Variants in PLA2G3 observed in about 807,000 individuals in gnomAD.
PLA2G3 encodes the protein phospholipase A2 group III.
PLA2G3 carries 39 observed loss-of-function variants against 51.3 expected under a neutral mutation model. The observed-to-expected ratio is 0.76, with a 90% confidence interval of 0.59 to 0.99. The LOEUF (loss-of-function observed/expected upper bound fraction) is 0.99. PLA2G3 is among the 50% of genes least tolerant of loss of function. The pLI, the probability that PLA2G3 is intolerant of heterozygous loss-of-function variation, is 0.00. For synonymous variants in PLA2G3, 293 were observed against 263.1 expected, an observed-to-expected ratio of 1.11 and a Z score of -1.10; for missense variants, 677 against 662.1, an observed-to-expected ratio of 1.02 and a Z score of -0.25.
In PLA2G3 at chr22:31,139,899, G is replaced by A. The variant is rs1490985795; in HGVS notation, c.456C>T (p.Thr152=). Residue 152 remains threonine (T), a synonymous_variant, in exon 1 of 7, where the codon ACC becomes ACT. Coordinates refer to ENST00000215885, the MANE Select transcript of PLA2G3 (RefSeq NM_015715.5). ...GGHQREKRGW[T]MPGTLWCGVG... is the part of the protein sequence containing the mutation. ...CTCCACACCACAGTGTGCCAGGCAT[G>A]GTCCATCCTCTCTTCTCTCGCTGGT... 1 of 1,613,854 alleles carries A rather than the reference G, an allele frequency of 6.2e-7. No homozygotes were observed. Among genetic ancestry groups the A allele is most frequent in the Non-Finnish European group, 8.5e-7 (1 of 1,179,974 alleles).
rs755071618 is a variant in PLA2G3, at chr22:31,135,951, G to C, written c.1317-15C>G. 5.6e-6 allele frequency: 9 copies of C among 1,601,282 alleles called. No individual in the cohort carries two copies. The Middle Eastern group carries it at 1.2e-3, about 208-fold the overall frequency. On this transcript the variant is annotated splice_polypyrimidine_tract_variant and intron_variant, in intron 6 of 6. Coordinates refer to ENST00000215885, the MANE Select transcript of PLA2G3 (RefSeq NM_015715.5). ...CTCTGGAACAGCTGTAAGGAGAGAA[G>C]AGTGGGGCAGATGATCAGGGCTGAC...
chr22:31,140,164 G>A lies in PLA2G3; in HGVS notation c.191C>T (p.Ala64Val), dbSNP rs553957966. The change falls in exon 1 of 7, where the codon GCG becomes GTG. Residue 64 changes from alanine (A) to valine (V), a missense_variant. Physicochemically the swap from Ala to Val is moderately conservative, Grantham distance 64 (BLOSUM62 0). Transcript: ENST00000215885. ...GCTACATGACTGCAGCCTCCTATGC[G>A]CATCCCAGCGGGCATGGATCAGGGC... ...GLALIHARWD[A>V]HRRLQSCSWE... 42 of 1,612,388 alleles carry A rather than the reference G, an allele frequency of 2.6e-5. No individual in the cohort carries two copies. In the Admixed American group the frequency reaches 3.7e-4, roughly 14 times the overall value.
In PLA2G3 at chr22:31,136,956, A is replaced by G. The variant is rs533685369; in HGVS notation, c.1151T>C (p.Leu384Pro). 788 of 1,595,998 alleles carry G rather than the reference A, an allele frequency of 4.9e-4. 10 individuals are homozygous for G. The South Asian group carries it at 8.4e-3, about 17-fold the overall frequency. Residue 384 changes from leucine to proline, a missense_variant, in exon 5 of 7, where the codon CTG becomes CCG. Leu to Pro is a moderately conservative substitution (Grantham distance 98, BLOSUM62 -3). Transcript: ENST00000215885. ...QIGPREIEFQ[L>P]LNSAQEPLFH... ...GAGGGGCTCTTGGGCGCTGTTGAGC[A>G]GCTGGAACTCGATTTCCCGGGGCCC...
At chr22:31,136,332 G>A (rs1407912444) in intron 6 of PLA2G3, among the ~76,000 whole-genome samples, 1 of 152,250 alleles carries the variant, frequency 6.6e-6, no homozygotes, top group Non-Finnish European at 1.5e-5. Context: ...TGGATTAGGA[G>A]TGAGTTAAGT....
Position 31,138,261 on chromosome 22 carries a change from G to C in PLA2G3, c.782+15C>G. 1.2e-6 allele frequency: 2 copies of C among 1,612,238 alleles called. No homozygotes were observed. The highest frequency in any genetic ancestry group is 1.7e-6 in the Non-Finnish European group (2 of 1,179,212). On this transcript the variant is annotated intron_variant, in intron 3 of 6. Coordinates refer to ENST00000215885, the MANE Select transcript of PLA2G3 (RefSeq NM_015715.5). ...CTCTCTGTCTGGAAAGGGACATGAG[G>C]GGGTGGCCACGTACCCGCCCCACCA... is the stretch of plus-strand genomic sequence containing the variant.
Position 31,135,561 on chromosome 22 carries a change from C to G in PLA2G3, c.*162G>C. On this transcript the variant is annotated 3_prime_UTR_variant, in exon 7 of 7. Coordinates refer to ENST00000215885, the MANE Select transcript of PLA2G3 (RefSeq NM_015715.5). ...TACCCAGAACAGCAGGAGATGTGGT[C>G]CAGCATTTGGGCCTTGAGATCCCCC... 1.6e-6 allele frequency: 1 copy of G among 630,794 alleles called. No homozygotes were observed. Among genetic ancestry groups the G allele is most frequent in the Non-Finnish European group, 2.8e-6 (1 of 353,486 alleles). The allele number at this position is 630,794 out of a possible 1,614,324, so 39.1% of individuals were successfully genotyped here.
At chr22:31,137,434 GGGGTAGGGTCTGCA>G (rs1173025505) in intron 4 of PLA2G3, among the ~76,000 whole-genome samples, 4 of 152,200 alleles carry the variant, frequency 2.6e-5, no homozygotes, top group Non-Finnish European at 5.9e-5. Context: ...GTTTTGACTG[GGGGTAGGGTCTGCA>G]GGGCCAAGGC....
Position 31,140,269 on chromosome 22 carries a change from G to T in PLA2G3, c.86C>A (p.Thr29Asn). 1 of 1,612,266 alleles carries T rather than the reference G, an allele frequency of 6.2e-7. No individual in the cohort carries two copies. Among genetic ancestry groups the T allele is most frequent in the Non-Finnish European group, 8.5e-7 (1 of 1,179,938 alleles). Residue 29 changes from threonine to asparagine, a missense_variant, in exon 1 of 7, where the codon ACC becomes AAC. By Grantham distance (65) the Thr-to-Asn change is moderately conservative (BLOSUM62 0). Transcript: ENST00000215885. ...GGSPALRWYR[T>N]SCHLTKAVPG... ...GACGGCCTTGGTCAAGTGGCAGGAG[G>T]TCCTGTACCAGCGGAGGGCAGGGGA...
chr22:31,138,586 C>T, intron 2 of PLA2G3, 81 bp downstream of exon 2: 1 of 1,562,274 alleles, frequency 6.4e-7, no homozygotes, highest in East Asian at 2.2e-5. Context: ...AGATCCTCTG[C>T]AATCCCAATG....
intron 6 of PLA2G3, among the ~76,000 whole-genome samples, 198 bp from the exon 7 acceptor site, chr22:31,136,134 G>A (rs1202718848): frequency 6.6e-6 from 1 of 152,210 alleles, no homozygotes; most frequent in Non-Finnish European, 1.5e-5. Flanking sequence ...CCACTAGCTG[G>A]CTGTGGAAAC....
At chr22:31,136,016 CAG>C (rs1457790943) in intron 6 of PLA2G3, 80 bp from the exon 7 acceptor site, 56 of 1,221,210 alleles carry the variant, frequency 4.6e-5, no homozygotes, top group Middle Eastern at 2.3e-4. Context: ...GGCTGAGGCC[CAG>C]AGAGAGAGGG....
intron 1 of PLA2G3, among the ~76,000 whole-genome samples, chr22:31,139,387 G>C (rs1323018362): frequency 6.6e-6 from 1 of 152,224 alleles, no homozygotes; most frequent in Non-Finnish European, 1.5e-5. Flanking sequence ...AGCCAGCCCT[G>C]AAAGGGAGGT....
At position 31,136,804 on chromosome 22, in the gene PLA2G3, G is replaced by A; in HGVS notation, c.1200-5C>T. ...AGCCTCAGGAAGCGTGCCAGACTGA[G>A]AACAGAGGCAGGCTCAGGCCGGGGC... On this transcript the variant is annotated splice_polypyrimidine_tract_variant and splice_region_variant and intron_variant, in intron 5 of 6. Transcript: ENST00000215885. The A allele has an allele frequency of 6.2e-7, 1 of 1,607,946 alleles. No homozygotes were observed. The highest frequency in any genetic ancestry group is 1.1e-5 in the South Asian group (1 of 90,626).
rs141855190 is a variant in PLA2G3, at chr22:31,137,733, G to T, written c.1043C>A (p.Pro348Gln). 2 of 1,609,802 alleles carry T rather than the reference G, an allele frequency of 1.2e-6. No homozygotes were observed. Among genetic ancestry groups the T allele is most frequent in the Non-Finnish European group, 1.7e-6 (2 of 1,178,908 alleles). The part of the protein sequence containing the change: ...LDVAPTGLQG[P>Q]QGGLKPQGAR... Reference sequence around the variant, plus strand: ...ACCCTGAGGTTTTAGGCCACCCTGTGGGCCCTGGAGGCCTGTGGGGGCCAC... The same window carrying T: ...ACCCTGAGGTTTTAGGCCACCCTGTTGGCCCTGGAGGCCTGTGGGGGCCAC... Residue 348 changes from proline to glutamine, a missense_variant, in exon 4 of 7, where the codon CCA becomes CAA. Transcript: ENST00000215885.
Position 31,136,693 on chromosome 22 carries a change from CCA to C in PLA2G3, c.1304_1305del (p.Val435GlyfsTer10). On this transcript the variant is annotated frameshift_variant, in exon 6 of 7. Transcript: ENST00000215885. LOFTEE classifies it low-confidence loss of function (END_TRUNC). ...TCTGACATCACTTACTTTTTGCCTT[CCA>C]CACAGTCCAGTGGAGGGGCCAGCTT... ...CFKLAPPLDC[V>X]EGKNCSRDPR... 1 of 1,612,934 alleles carries C rather than the reference CCA, an allele frequency of 6.2e-7. No homozygotes were observed. Among genetic ancestry groups the C allele is most frequent in the African/African-American group, 1.3e-5 (1 of 74,922 alleles).
Position 31,139,810 on chromosome 22 carries a change from C to T in PLA2G3, c.514+31G>A, listed in dbSNP as rs532017259. ...AAGAAACCTTGCTTCCCCGATCGGA[C>T]CCCCCAGCCCACACACCCCTCATGG... On this transcript the variant is annotated intron_variant, in intron 1 of 6. Coordinates refer to ENST00000215885, the MANE Select transcript of PLA2G3 (RefSeq NM_015715.5). 3.3e-6 allele frequency: 5 copies of T among 1,504,382 alleles called. No homozygotes were observed. In the East Asian group the frequency reaches 1.1e-4, roughly 34 times the overall value. 93.2% of individuals were successfully genotyped at this position (1,504,382 alleles called of 1,614,324 possible).
Position 31,135,849 on chromosome 22 carries a change from G to C in PLA2G3, c.1404C>G (p.Gly468=), listed in dbSNP as rs1922525946. The C allele has an allele frequency of 1.2e-6, 2 of 1,613,832 alleles. No individual in the cohort carries two copies. The highest frequency in any genetic ancestry group is 1.1e-5 in the South Asian group (1 of 91,082). The change falls in exon 7 of 7, where the codon GGC becomes GGG. Residue 468 remains glycine (G), a synonymous_variant. Transcript: ENST00000215885. ...AAGGCCATGGCTGCCTCTCATCTGT[G>C]CCTTTATCCTGGAGCTGGTGTCGCC... is the stretch of plus-strand genomic sequence containing the variant. The part of the protein sequence containing the change: ...QQRRHQLQDK[G]TDERQPWPSE...
At chr22:31,139,760 C>G in intron 1 of PLA2G3, 81 bp downstream of exon 1, 1 of 959,492 alleles carries the variant, frequency 1.0e-6, no homozygotes, top group South Asian at 1.5e-5. Flanking sequence ...GGACACACAG[C>G]CTAGGAGAGT....
chr22:31,137,089 C>T (rs1466153377), intron 4 of PLA2G3, 49 bp from the exon 5 acceptor site: 4 of 1,459,376 alleles, frequency 2.7e-6, no homozygotes, highest in Non-Finnish European at 3.6e-6. Flanking sequence ...CCAGGGAGGC[C>T]CCACCAATGC....
Sources: allele counts gnomAD v4.1 joint callset (sites outside exome capture counted in the v4.1 genomes callset), GRCh38; gene constraint gnomAD v4.1.1; transcripts MANE v1.5; gene names NCBI Gene and HGNC (gene_info 2026-07-23, HGNC 2026-07-21).